SLC22A17: variants seen among roughly 807,000 people sequenced by gnomAD.
The protein encoded by SLC22A17 is solute carrier family 22 member 17.
In SLC22A17, 38 loss-of-function variants were observed where a neutral mutation model predicts 53.6. That is an observed-to-expected ratio of 0.71 (90% CI 0.55 to 0.93). SLC22A17 has a LOEUF of 0.93. Ranked by LOEUF, SLC22A17 falls within the 40% of genes least tolerant of loss-of-function variation. SLC22A17 has a pLI of 0.00. For missense variants in SLC22A17, 704 were observed against 791.0 expected, an observed-to-expected ratio of 0.89 and a Z score of 1.32; for synonymous variants, 379 against 353.0, an observed-to-expected ratio of 1.07 and a Z score of -0.82.
exon 3 of SLC22A17, chr14:23,351,783 C>G: frequency 1.2e-6 from 2 of 1,613,772 alleles, no homozygotes; most frequent in Non-Finnish European, 8.5e-7. Context: ...AACAGGTAGC[C>G]GGAGGCAAAG....
chr14:23,346,376 G>C (rs1889172431), exon 10 of SLC22A17: 9 of 433,062 alleles, frequency 2.1e-5, no homozygotes, highest in South Asian at 1.5e-4. Context: ...AAATAATGAG[G>C]TCTGGGTGGA....
In SLC22A17 at chr14:23,352,314, G is replaced by A. The variant is rs1467066692; in HGVS notation, c.234C>T (p.Leu78=). 4 of 1,342,334 alleles carry A rather than the reference G, an allele frequency of 3.0e-6. No individual in the cohort carries two copies. The highest frequency in any genetic ancestry group is 3.9e-6 in the Non-Finnish European group (4 of 1,032,928). The allele number at this position is 1,342,334 out of a possible 1,614,324, so 83.2% of individuals were successfully genotyped here. A position where few individuals can be genotyped will look rare whatever the true frequency, so the allele number is the denominator to read the frequency against. Residue 78 remains leucine (L), a synonymous_variant, in exon 2 of 10, where the codon CTC becomes CTT. Transcript: ENST00000397267. This position sits in a 1 kb window ranked among gnomAD's most constrained non-coding sequence, Gnocchi z 7.2. ...CCTGGGCGAGCAGCGCCTCAAAGCT[G>A]AGGGGGCCTGGGGGCACGGCCAGCG...
rs754627889 is a variant in SLC22A17, at chr14:23,347,579, C to G, written c.1430G>C (p.Gly477Ala). The G allele has an allele frequency of 1.2e-6, 2 of 1,614,018 alleles. No individual in the cohort carries two copies. The highest frequency in any genetic ancestry group is 3.3e-5 in the Admixed American group (2 of 60,012). ...AAGGGTCATGGAGAGAAGAAGGATG[C>G]CCCGGCGGCCAAATCGGTCCACGGT... Residue 477 changes from glycine to alanine, a missense_variant, in exon 8 of 10, where the codon GGC (glycine) becomes GCC (alanine). By Grantham distance (60) the Gly-to-Ala change is moderately conservative. Transcript: ENST00000397267. The surrounding 1 kb of genome is among the most constrained non-coding windows in gnomAD (Gnocchi z 5.1).
intron 9 of SLC22A17, 50 bp from the exon 10 acceptor site, chr14:23,346,986 G>A (rs1445091704): frequency 8.0e-6 from 12 of 1,497,240 alleles, no homozygotes; most frequent in Non-Finnish European, 8.9e-6. Flanking sequence ...GCCTTGCTGG[G>A]CCCTTCTCCC....
At position 23,348,194 on chromosome 14, in the gene SLC22A17, T is replaced by C; in HGVS notation, c.1138A>G (p.Met380Val). The C allele has an allele frequency of 6.2e-7, 1 of 1,614,104 alleles. No homozygotes were observed. Among genetic ancestry groups the C allele is most frequent in the Non-Finnish European group, 8.5e-7 (1 of 1,179,986 alleles). ...GCCTCCTGGGCCTCCTCCCCCAGCATCTGCCCATGGGGCCGGTTTCGCTCA... is the reference window on the plus strand; with the variant it reads ...GCCTCCTGGGCCTCCTCCCCCAGCACCTGCCCATGGGGCCGGTTTCGCTCA... Residue 380 changes from methionine (M) to valine (V), a missense_variant, in exon 6 of 10, where the codon ATG becomes GTG. Coordinates refer to ENST00000397267, the Ensembl canonical transcript of SLC22A17. This position sits in a 1 kb window ranked among gnomAD's most constrained non-coding sequence, Gnocchi z 4.5.
In SLC22A17 at chr14:23,351,872, G is replaced by C. The variant is rs1465681946; in HGVS notation, c.601-17C>G. On this transcript the variant is annotated splice_polypyrimidine_tract_variant and intron_variant, in intron 2 of 9. Transcript: ENST00000397267. ...CAGATCCCACTGGGGATGTGAGAAG[G>C]GTGCAGCGGGCGTGAGGCCCCGCCC... 4.3e-6 allele frequency: 7 copies of C among 1,611,882 alleles called. No individual in the cohort carries two copies. The highest frequency in any genetic ancestry group is 4.2e-6 in the Non-Finnish European group (5 of 1,178,796).
At chr14:23,346,838 T>C (rs1379953194) in exon 10 of SLC22A17, 7 of 1,540,014 alleles carry the variant, frequency 4.5e-6, no homozygotes, top group Non-Finnish European at 6.1e-6. Flanking sequence ...CAGCACCACG[T>C]GCTGCAGGAA....
Position 23,348,680 on chromosome 14 carries a change from AC to A in SLC22A17, c.860-10del. The stretch of plus-strand genomic sequence containing the variant: ...GTCGCACAGCTCCAGGCCTGGAGAT[AC>A]AGCAGGGGTGGAGAGAGGAGAGGGA... On this transcript the variant is annotated splice_polypyrimidine_tract_variant and intron_variant, in intron 4 of 9. Coordinates refer to ENST00000397267, the Ensembl canonical transcript of SLC22A17. The surrounding 1 kb of genome is among the most constrained non-coding windows in gnomAD (Gnocchi z 4.5). The A allele has an allele frequency of 6.2e-7, 1 of 1,604,820 alleles. No homozygotes were observed. The highest frequency in any genetic ancestry group is 8.5e-7 in the Non-Finnish European group (1 of 1,175,660).
Position 23,348,238 on chromosome 14 carries a change from G to C in SLC22A17, c.1094C>G (p.Ser365Cys). Residue 365 changes from serine to cysteine, a missense_variant, in exon 6 of 10, where the codon TCT (serine) becomes TGT (cysteine). Physicochemically the swap from Ser to Cys is moderately radical, Grantham distance 112. Coordinates refer to ENST00000397267, the Ensembl canonical transcript of SLC22A17. The surrounding 1 kb of genome is among the most constrained non-coding windows in gnomAD (Gnocchi z 4.5). ...TCGCTCAGCCAGGATCCTCAGCACA[G>C]ACTGAGCCTCCTCAATCTGCCGCTT... The C allele has an allele frequency of 6.2e-7, 1 of 1,614,152 alleles. No homozygotes were observed. The highest frequency in any genetic ancestry group is 8.5e-7 in the Non-Finnish European group (1 of 1,180,010).
In SLC22A17 at chr14:23,347,073, C is replaced by CT; in HGVS notation, c.1661+27dup. On this transcript the variant is annotated intron_variant, in intron 9 of 9. Transcript: ENST00000397267. This position sits in a 1 kb window ranked among gnomAD's most constrained non-coding sequence, Gnocchi z 5.1. ...GAGCGGGAGGCGAGGGGGCCCGGCT[C>CT]TGCCCCTGGGGGCACCCCTGCTCTC... 6.3e-7 allele frequency: 1 copy of CT among 1,593,098 alleles called. No individual in the cohort carries two copies.
chr14:23,352,100 C>A lies in SLC22A17; in HGVS notation c.448G>T (p.Ala150Ser). The stretch of plus-strand genomic sequence containing the variant: ...GCGCTGGCTGCTAGGGCAGCGCTGG[C>A]GACGCTGACGCCGCTGGCATTGGGA... The change falls in exon 2 of 10, where the codon GCC (alanine) becomes TCC (serine). Residue 150 changes from alanine (A) to serine (S), a missense_variant. Ala to Ser is a moderately conservative substitution (Grantham distance 99). Coordinates refer to ENST00000397267, the Ensembl canonical transcript of SLC22A17. This position sits in a 1 kb window ranked among gnomAD's most constrained non-coding sequence, Gnocchi z 7.2. 2 of 1,584,220 alleles carry A rather than the reference C, an allele frequency of 1.3e-6. No individual in the cohort carries two copies. The highest frequency in any genetic ancestry group is 1.7e-6 in the Non-Finnish European group (2 of 1,166,580).
In SLC22A17 at chr14:23,352,086, T is replaced by C. The variant is rs751329853; in HGVS notation, c.462A>G (p.Leu154=). The stretch of plus-strand genomic sequence containing the variant: ...CGACACGGCTGGCGGCGCTGGCTGC[T>C]AGGGCAGCGCTGGCGACGCTGACGC... Residue 154 remains leucine, a synonymous_variant, in exon 2 of 10, where the codon CTA becomes CTG. Transcript: ENST00000397267. The surrounding 1 kb of genome is among the most constrained non-coding windows in gnomAD (Gnocchi z 7.2). 12 of 1,593,236 alleles carry C rather than the reference T, an allele frequency of 7.5e-6. No individual in the cohort carries two copies. Among genetic ancestry groups the C allele is most frequent in the Non-Finnish European group, 1.0e-5 (12 of 1,170,940 alleles).
At chr14:23,346,335 T>C in exon 10 of SLC22A17, 1 of 348,502 alleles carries the variant, frequency 2.9e-6, no homozygotes, top group Non-Finnish European at 5.1e-6. Context: ...TTATTCCAAA[T>C]GTCTTTATTG....
At position 23,348,166 on chromosome 14, in the gene SLC22A17, A is replaced by AGGGCCTCCT; in HGVS notation, c.1157_1165dup (p.Gln386_Ala388dup). On this transcript the variant is annotated inframe_insertion, in exon 6 of 10. Coordinates refer to ENST00000397267, the Ensembl canonical transcript of SLC22A17. This position sits in a 1 kb window ranked among gnomAD's most constrained non-coding sequence, Gnocchi z 4.5. ...CAGGGATCCCTGTCTCTTACCCTGCAGGGCCTCCTGGGCCTCCTCCCCCAG... is the reference window on the plus strand; with the variant it reads ...CAGGGATCCCTGTCTCTTACCCTGCAGGGCCTCCTGGGCCTCCTGGGCCTCCTCCCCCAG... 1.9e-6 allele frequency: 3 copies of AGGGCCTCCT among 1,614,022 alleles called. No homozygotes were observed. The highest frequency in any genetic ancestry group is 2.5e-6 in the Non-Finnish European group (3 of 1,179,974).
At chr14:23,346,536 G>A (rs1889187818) in exon 10 of SLC22A17, 20 of 1,316,896 alleles carry the variant, frequency 1.5e-5, no homozygotes, top group African/African-American at 7.4e-5. Flanking sequence ...GATGGCTGGC[G>A]TGAGGTGCCT....
Position 23,351,743 on chromosome 14 carries a change from A to T in SLC22A17, c.704+9T>A, listed in dbSNP as rs751587001. 60 of 1,608,712 alleles carry T rather than the reference A, an allele frequency of 3.7e-5. 1 individual carries two copies. The highest frequency in any genetic ancestry group is 4.7e-5 in the Non-Finnish European group (55 of 1,178,070). On this transcript the variant is annotated intron_variant, in intron 3 of 9. Transcript: ENST00000397267. ...TTTCTACCAGCCCTGCCCCCACGAC[A>T]GCCCTCACCTGTCTGCGGGGTAACC... is the stretch of plus-strand genomic sequence containing the variant.
exon 10 of SLC22A17, chr14:23,346,830 G>C: frequency 6.5e-7 from 1 of 1,540,278 alleles, no homozygotes; most frequent in Non-Finnish European, 8.7e-7. Flanking sequence ...CAGGCCGCCA[G>C]CACCACGTGC....
At chr14:23,346,679 G>T (rs1371032619) in exon 10 of SLC22A17, 1 of 1,518,688 alleles carries the variant, frequency 6.6e-7, no homozygotes. Flanking sequence ...GGCAAGCAGC[G>T]GGACGTGGTC....
chr14:23,347,817 C>A lies in SLC22A17; in HGVS notation c.1277+74G>T. 6.2e-7 allele frequency: 1 copy of A among 1,611,134 alleles called. No individual in the cohort carries two copies. Among genetic ancestry groups the A allele is most frequent in the African/African-American group, 1.3e-5 (1 of 74,972 alleles). On this transcript the variant is annotated intron_variant, in intron 7 of 9. Coordinates refer to ENST00000397267, the Ensembl canonical transcript of SLC22A17. This position sits in a 1 kb window ranked among gnomAD's most constrained non-coding sequence, Gnocchi z 5.1. ...AGTGCTGATGGTCCTCCGCAGGGGT[C>A]CCCGGGCCTTCCCACCCAGCCAGCC...
Sources: gnomAD v4.1 joint callset for allele counts on GRCh38, gnomAD v4.1.1 for gene constraint, Gnocchi (gnomAD v3.1) non-coding constraint, MANE v1.5 for transcripts, NCBI Gene and HGNC (gene_info 2026-07-23, HGNC 2026-07-21) for gene names.